The following GSAP variants were observed in gnomAD, a reference collection of about 807,000 sequenced individuals.
GSAP encodes the protein gamma-secretase activating protein.
A neutral mutation model predicts 131.7 loss-of-function variants in GSAP; 118 were observed. The ratio of observed to expected loss-of-function variants is 0.90; its 90% confidence interval spans 0.77 to 1.04. The LOEUF (loss-of-function observed/expected upper bound fraction) is 1.04. GSAP is among the 50% of genes least tolerant of loss of function. The pLI, the probability that GSAP is intolerant of heterozygous loss-of-function variation, is 0.00. For synonymous variants in GSAP, 381 were observed against 363.4 expected (o/e 1.05, Z -0.55); for missense variants, 1,019 against 1,013.2 (o/e 1.01, Z -0.08).
rs1209178625 is a variant in GSAP, at chr7:77,355,403, G to C, written c.1148C>G (p.Pro383Arg). 1.2e-6 allele frequency: 2 copies of C among 1,605,466 alleles called. No homozygotes were observed. The highest frequency in any genetic ancestry group is 1.7e-5 in the Admixed American group (1 of 59,396). The stretch of plus-strand genomic sequence containing the variant: ...TGACAATGACTGTAAAGGGCAATGA[G>C]GTAGCATATCAATCATTTCATTATT... ...TGNNEMIDML[P>R]HCPLQSLSGS... Residue 383 changes from proline to arginine, a missense_variant, in exon 16 of 31, where the codon CCT becomes CGT. Coordinates refer to ENST00000257626, the MANE Select transcript of GSAP (RefSeq NM_017439.4).
chr7:77,315,158 C>G (rs1794837067), intron 26 of GSAP: 1 of 152,220 alleles, frequency 6.6e-6, no homozygotes, highest in Non-Finnish European at 1.5e-5. Context: ...AGGAGAGAAT[C>G]AAAACAGCTC....
intron 12 of GSAP, among the ~76,000 whole-genome samples, chr7:77,368,953 G>A (rs74820495): frequency 0.013 from 1,907 of 152,300 alleles, 39 homozygotes; most frequent in African/African-American, 0.044. Context: ...CATCAATGAT[G>A]AAGATAATAT....
At chr7:77,353,836 G>A in intron 16 of GSAP, 195 bp from the exon 17 acceptor site, 2 of 469,940 alleles carry the variant, frequency 4.3e-6, no homozygotes, top group Non-Finnish European at 7.5e-6. Context: ...TTATAAGTGA[G>A]ATCCTTTTTA....
At chr7:77,364,372 C>T (rs1794965295) in intron 12 of GSAP, among the ~76,000 whole-genome samples, 1 of 151,790 alleles carries the variant, frequency 6.6e-6, no homozygotes, top group Non-Finnish European at 1.5e-5. Context: ...GAAAGTTTTT[C>T]TCATTTTGAA....
chr7:77,373,039 C>CA (rs941068075), intron 12 of GSAP, among the ~76,000 whole-genome samples: 19 of 152,172 alleles, frequency 1.2e-4, no homozygotes, highest in Admixed American at 1.2e-3. Context: ...GAAAGGGGGC[C>CA]ATTTTCAGGA....
At chr7:77,334,577 ATTT>A (rs1294160097) in intron 19 of GSAP, among the ~76,000 whole-genome samples, 4 of 122,568 alleles carry the variant, frequency 3.3e-5, no homozygotes, top group Non-Finnish European at 6.7e-5. Context: ...GGAACTTAAA[ATTT>A]AAAAAAAAAA....
chr7:77,403,210 C>A lies in GSAP; in HGVS notation c.243+1349G>T, dbSNP rs532508016. On this transcript the variant is annotated intron_variant, in intron 3 of 30. Coordinates refer to ENST00000257626, the MANE Select transcript of GSAP (RefSeq NM_017439.4). ...TGCACTGAAAACTTGAGATTTTATT[C>A]TCTTTCCCTAGACTGTGTATTGTGA... Among the ~76,000 whole-genome samples, 3 of 152,286 alleles carry A rather than the reference C, an allele frequency of 2.0e-5. No individual in the cohort carries two copies. The East Asian group carries it at 5.8e-4, about 29-fold the overall frequency.
chr7:77,376,998 G>T, intron 9 of GSAP, 91 bp from the exon 10 acceptor site: 1 of 751,786 alleles, frequency 1.3e-6, no homozygotes, highest in Non-Finnish European at 2.2e-6. Flanking sequence ...TTCCATCAAT[G>T]AAAATGTAAT....
chr7:77,404,641 T>C lies in GSAP; in HGVS notation c.187-26A>G, dbSNP rs1032296358. 6 of 1,259,254 alleles carry C rather than the reference T, an allele frequency of 4.8e-6. No individual in the cohort carries two copies. The East Asian group carries it at 1.2e-4, about 24-fold the overall frequency. The allele number at this position is 1,259,254 out of a possible 1,614,324, so 78.0% of individuals were successfully genotyped here. A position where few individuals can be genotyped will look rare whatever the true frequency, so the allele number is the denominator to read the frequency against. ...CTAAAAAAAATTAACCAGATGTTTATTAAATGTCATTGTTTAGGAAGTTAG... is the reference window on the plus strand; with the variant it reads ...CTAAAAAAAATTAACCAGATGTTTACTAAATGTCATTGTTTAGGAAGTTAG... On this transcript the variant is annotated intron_variant, in intron 2 of 30. Transcript: ENST00000257626.
intron 23 of GSAP, among the ~76,000 whole-genome samples, chr7:77,325,095 T>C (rs1788150072): frequency 6.6e-6 from 1 of 152,018 alleles, no homozygotes; most frequent in Non-Finnish European, 1.5e-5. Context: ...GGATAACAGG[T>C]GTGAGCAACA....
chr7:77,344,146 T>C (rs1278839118), intron 19 of GSAP, among the ~76,000 whole-genome samples: 14 of 152,212 alleles, frequency 9.2e-5, no homozygotes, highest in South Asian at 6.2e-4. Context: ...TTCTGTCAGA[T>C]ATAATTCCTC....
intron 12 of GSAP, among the ~76,000 whole-genome samples, chr7:77,371,943 G>A (rs1015389269): frequency 6.6e-6 from 1 of 152,204 alleles, no homozygotes; most frequent in Non-Finnish European, 1.5e-5. Flanking sequence ...TCATAAGGGA[G>A]ACATACAGTA....
intron 19 of GSAP, among the ~76,000 whole-genome samples, chr7:77,348,423 C>A (rs1792231313): frequency 1.3e-5 from 2 of 152,206 alleles, no homozygotes; most frequent in East Asian, 3.9e-4. Context: ...AACCACTAAC[C>A]TGGCCCCCGA....
chr7:77,361,201 A>G (rs1004550542), intron 13 of GSAP, among the ~76,000 whole-genome samples: 1 of 152,242 alleles, frequency 6.6e-6, no homozygotes, highest in Non-Finnish European at 1.5e-5. Context: ...CAAGAGATAG[A>G]GATGACCACA....
At chr7:77,402,106 A>G (rs1306641750) in intron 3 of GSAP, among the ~76,000 whole-genome samples, 3 of 152,146 alleles carry the variant, frequency 2.0e-5, no homozygotes, top group Non-Finnish European at 4.4e-5. Context: ...AAAAAATAAA[A>G]ACTTTTAGAG....
intron 19 of GSAP, among the ~76,000 whole-genome samples, chr7:77,343,166 C>CT (rs989395227): frequency 1.3e-5 from 2 of 150,658 alleles, no homozygotes; most frequent in African/African-American, 4.9e-5. Context: ...GCCTTCATGT[C>CT]TGTGTGTGGC....
intron 16 of GSAP, among the ~76,000 whole-genome samples, chr7:77,354,743 T>C (rs545748389): frequency 7.2e-5 from 11 of 152,184 alleles, no homozygotes; most frequent in African/African-American, 2.4e-4. Context: ...AAAGAGATTT[T>C]TCTGACTTCA....
In GSAP at chr7:77,355,253, G is replaced by T. The variant is rs765376950; in HGVS notation, c.1298C>A (p.Ala433Glu). 6.2e-7 allele frequency: 1 copy of T among 1,613,724 alleles called. No individual in the cohort carries two copies. The highest frequency in any genetic ancestry group is 1.3e-5 in the African/African-American group (1 of 74,904). The change falls in exon 16 of 31, where the codon GCG becomes GAG. Residue 433 changes from alanine to glutamate, a missense_variant. By Grantham distance (107) the Ala-to-Glu change is moderately radical. Coordinates refer to ENST00000257626, the MANE Select transcript of GSAP (RefSeq NM_017439.4). ...DCEKMAALHCALYCGQGAQFL... is the reference protein window; with the variant it reads ...DCEKMAALHCELYCGQGAQFL... Reference sequence around the variant, plus strand: ...CTGCGCACCTTGACCGCAGTAGAGCGCGCAGTGCAACGCAGCCATCTTCTC... The same window carrying T: ...CTGCGCACCTTGACCGCAGTAGAGCTCGCAGTGCAACGCAGCCATCTTCTC...
intron 7 of GSAP, among the ~76,000 whole-genome samples, chr7:77,381,586 C>T (rs897485278): frequency 2.0e-5 from 3 of 152,178 alleles, no homozygotes; most frequent in Non-Finnish European, 4.4e-5. Flanking sequence ...ATTTATTCTG[C>T]TCCTCAATAT....
Sources: gnomAD v4.1 joint callset for allele counts (sites outside exome capture counted in the v4.1 genomes callset) on GRCh38, gnomAD v4.1.1 for gene constraint, MANE v1.5 for transcripts, NCBI Gene and HGNC (gene_info 2026-07-23, HGNC 2026-07-21) for gene names.